Variants in C3orf52 observed in about 807,000 individuals in gnomAD.
The protein encoded by C3orf52 is TPA-induced transmembrane protein.
In C3orf52, 22 loss-of-function variants were observed where a neutral mutation model predicts 24.8. That is an observed-to-expected ratio of 0.89 (90% CI 0.63 to 1.27). The LOEUF is 1.27. Among genes scored for constraint, C3orf52 ranks in the 50% most tolerant of loss-of-function variants. C3orf52 has a pLI of 0.00. For missense variants in C3orf52, 265 were observed against 260.7 expected, an observed-to-expected ratio of 1.02 and a Z score of -0.11; for synonymous variants, 93 against 100.2, an observed-to-expected ratio of 0.93 and a Z score of 0.43.
At chr3:112,130,349 A>G (rs1287505092), downstream of C3orf52, 3 of 933,958 alleles carry the variant, frequency 3.2e-6, no homozygotes, top group Admixed American at 1.7e-5. Context: ...TGGTCTAAAC[A>G]GGGCCCTCTC....
At chr3:112,091,519 A>G (rs547123369) in intron 1 of C3orf52, among the ~76,000 whole-genome samples, 1 of 152,276 alleles carries the variant, frequency 6.6e-6, no homozygotes, top group African/African-American at 2.4e-5. Flanking sequence ...GAGGTCTGCC[A>G]TGGCCTCCTC....
downstream of C3orf52, chr3:112,121,147 A>G (rs1432180319): frequency 6.6e-6 from 1 of 152,226 alleles, no homozygotes; most frequent in Non-Finnish European, 1.5e-5. Context: ...TAAAAGGCAT[A>G]TACTGTTTGG....
At chr3:112,121,464 G>A (rs1215621826), downstream of C3orf52, 2 of 152,168 alleles carry the variant, frequency 1.3e-5, no homozygotes, top group African/African-American at 4.8e-5. Flanking sequence ...TCCTGTTGAT[G>A]GTGAAGAAGC....
chr3:112,088,153 T>G (rs189345788), intron 1 of C3orf52, among the ~76,000 whole-genome samples: 16 of 152,360 alleles, frequency 1.1e-4, no homozygotes, highest in Middle Eastern at 3.4e-3. Context: ...ATAGGAGAGC[T>G]GTCCTCAGTA....
chr3:112,124,101 G>A (rs1224386188), intron 4 of C3orf52, among the ~76,000 whole-genome samples: 2 of 152,166 alleles, frequency 1.3e-5, no homozygotes, highest in African/African-American at 2.4e-5. Context: ...CCTAGTGAGA[G>A]GTGTTTTGGT....
At chr3:112,119,602 G>A, downstream of C3orf52, 1 of 694,594 alleles carries the variant, frequency 1.4e-6, no homozygotes, top group South Asian at 1.5e-5. Context: ...GTGAATTCTG[G>A]ACATGAATCC....
At chr3:112,128,312 A>C in exon 5 of C3orf52, 1 of 647,946 alleles carries the variant, frequency 1.5e-6, no homozygotes, top group Non-Finnish European at 2.8e-6. Context: ...ATGTTTCCTC[A>C]CTCTCAATTC....
intron 4 of C3orf52, among the ~76,000 whole-genome samples, chr3:112,124,048 C>A (rs115603722): frequency 6.6e-6 from 1 of 152,194 alleles, no homozygotes; most frequent in Non-Finnish European, 1.5e-5. Context: ...TCGTCCCCTG[C>A]AAATCTAATG....
downstream of C3orf52, chr3:112,130,440 C>G (rs2074426432): frequency 5.0e-6 from 8 of 1,613,502 alleles, no homozygotes; most frequent in African/African-American, 1.3e-5. Flanking sequence ...TGATTTTGCT[C>G]TCACCTGGAT....
At chr3:112,132,326 G>T (rs2074476250), downstream of C3orf52, among the ~76,000 whole-genome samples, 1 of 152,074 alleles carries the variant, frequency 6.6e-6, no homozygotes, top group African/African-American at 2.4e-5. Flanking sequence ...ATAACCCTGT[G>T]AAGACCCCCT....
intron 4 of C3orf52, chr3:112,127,940 T>G (rs1019404029): frequency 8.0e-7 from 1 of 1,242,744 alleles, no homozygotes; most frequent in East Asian, 2.3e-5. Flanking sequence ...CCACAGACAG[T>G]CACAGGTAAC....
intron 2 of C3orf52, 109 bp downstream of exon 2, chr3:112,093,598 GT>G: frequency 1.8e-6 from 2 of 1,083,410 alleles, no homozygotes; most frequent in Non-Finnish European, 2.6e-6. Context: ...TATTTATAAT[GT>G]GAATTTAAGA....
At chr3:112,101,375 A>G (rs187401156) in intron 2 of C3orf52, among the ~76,000 whole-genome samples, 1 of 152,296 alleles carries the variant, frequency 6.6e-6, no homozygotes, top group Admixed American at 6.5e-5. Context: ...GTGAGATCTC[A>G]TCTACTAGGG....
At chr3:112,116,530 C>T (rs1576151173) in intron 5 of C3orf52, 112 bp from the exon 6 acceptor site, 2 of 988,688 alleles carry the variant, frequency 2.0e-6, no homozygotes, top group East Asian at 5.3e-5. Context: ...ATAAACCTTG[C>T]AATTTTATCT....
intron 4 of C3orf52, chr3:112,123,822 C>G (rs2074250227): frequency 6.4e-7 from 1 of 1,564,088 alleles, no homozygotes; most frequent in East Asian, 2.3e-5. Context: ...TTGCCATGAC[C>G]TTTACATTTC....
intron 3 of C3orf52, among the ~76,000 whole-genome samples, chr3:112,108,482 T>C: frequency 6.6e-6 from 1 of 152,158 alleles, no homozygotes; most frequent in Non-Finnish European, 1.5e-5. Context: ...CATATGCCCA[T>C]TGGAAACTCC....
chr3:112,133,435 C>A, downstream of C3orf52: 1 of 321,188 alleles, frequency 3.1e-6, no homozygotes. Flanking sequence ...TACAGATGGG[C>A]CATGGGAGTT....
chr3:112,086,937 A>C (rs1286511031), intron 1 of C3orf52, among the ~76,000 whole-genome samples: 1 of 152,066 alleles, frequency 6.6e-6, no homozygotes, highest in Non-Finnish European at 1.5e-5. Flanking sequence ...CTTCTCTCAG[A>C]ATCTCTTCTG....
chr3:112,130,216 TC>T, downstream of C3orf52: 5 of 564,350 alleles, frequency 8.9e-6, no homozygotes, highest in South Asian at 1.1e-4. Context: ...ACTAGCAGGG[TC>T]TTAGTTCCTG....
Sources: allele counts gnomAD v4.1 joint callset (sites outside exome capture counted in the v4.1 genomes callset), GRCh38; gene constraint gnomAD v4.1.1; transcripts MANE v1.5; gene names NCBI Gene and HGNC (gene_info 2026-07-23, HGNC 2026-07-21).